IGF1R: variants seen among roughly 807,000 people sequenced by gnomAD.
IGF1R encodes insulin-like growth factor 1 receptor.
A neutral mutation model predicts 144.6 loss-of-function variants in IGF1R; 44 were observed. The ratio of observed to expected loss-of-function variants is 0.30; its 90% CI spans 0.24 to 0.39. The LOEUF is 0.39. IGF1R is among the 10% of genes least tolerant of loss of function. The probability of loss-of-function intolerance (pLI) is 1.00; values close to 1 mark genes in which losing one functional copy is unlikely to be tolerated. For synonymous variants in IGF1R, 795 were observed against 722.8 expected (o/e 1.10, Z -1.60); for missense variants, 1,355 against 1,833.7 (o/e 0.74, Z 4.77).
intron 1 of IGF1R, among the ~76,000 whole-genome samples, chr15:98,650,734 G>C (rs1437735104): frequency 6.6e-6 from 1 of 152,236 alleles, no homozygotes; most frequent in African/African-American, 2.4e-5. Flanking sequence ...TGCGAGCGCG[G>C]AGCCCTGGCC....
intron 2 of IGF1R, among the ~76,000 whole-genome samples, chr15:98,738,844 C>T (rs1468220772): frequency 6.6e-6 from 1 of 152,158 alleles, no homozygotes; most frequent in South Asian, 2.1e-4. Flanking sequence ...TAATTAACTC[C>T]AGTTTACATT....
intron 2 of IGF1R, among the ~76,000 whole-genome samples, chr15:98,751,755 C>G (rs541147003): frequency 5.5e-4 from 84 of 152,290 alleles, no homozygotes; most frequent in African/African-American, 1.9e-3. Flanking sequence ...TGTTGAGACT[C>G]GGACCTATGC....
rs541143115 is a variant in IGF1R at position 98,848,145 on chromosome 15, A to G, written c.641-43180A>G. The stretch of plus-strand genomic sequence containing the variant: ...TTCTGAAAGAGGATCTGAGCTGAGT[A>G]TCCCTGTGGTCCAGTATTTCAAGTT... On this transcript the variant is annotated intron_variant, in intron 2 of 20. Coordinates refer to ENST00000650285, the MANE Select transcript of IGF1R (RefSeq NM_000875.5). Among the ~76,000 whole-genome samples, 14 of 152,342 alleles carry G rather than the reference A, an allele frequency of 9.2e-5. No homozygotes were observed. In the South Asian group the frequency reaches 2.3e-3, roughly 25 times the overall value.
intron 19 of IGF1R, among the ~76,000 whole-genome samples, chr15:98,945,905 C>G (rs1438928839): frequency 6.6e-6 from 1 of 152,000 alleles, no homozygotes; most frequent in African/African-American, 2.4e-5. Flanking sequence ...CTTTGCAGTT[C>G]ACCTCGACAA....
intron 6 of IGF1R, among the ~76,000 whole-genome samples, chr15:98,909,210 A>C (rs2014874933): frequency 6.6e-6 from 1 of 151,474 alleles, no homozygotes; most frequent in Admixed American, 6.6e-5. Context: ...ACACAGGTGC[A>C]CAGTTAGATA....
Position 98,961,408 on chromosome 15 carries a change from A to G in IGF1R, c.*3966A>G. 8.6e-6 allele frequency: 2 copies of G among 233,488 alleles called. No homozygotes were observed. The highest frequency in any genetic ancestry group is 2.2e-5 in the African/African-American group (1 of 45,452). The allele number at this position is 233,488 out of a possible 1,614,324, so 14.5% of individuals were successfully genotyped here. On this transcript the variant is annotated 3_prime_UTR_variant, in exon 21 of 21. Transcript: ENST00000650285. The stretch of plus-strand genomic sequence containing the variant: ...AAATGCTTCAGAAACACCTCAATAA[A>G]AGAGAAAACTTGGCTTGTGTGATGG...
chr15:98,688,787 T>G (rs113895494), intron 1 of IGF1R, among the ~76,000 whole-genome samples: 2,174 of 152,274 alleles, frequency 0.014, 52 homozygotes, highest in African/African-American at 0.05. Flanking sequence ...GCAAGCTCTT[T>G]GTAAGTGTAT....
intron 2 of IGF1R, among the ~76,000 whole-genome samples, chr15:98,848,995 T>G (rs1238569199): frequency 1.3e-5 from 2 of 152,252 alleles, no homozygotes; most frequent in Non-Finnish European, 2.9e-5. Flanking sequence ...TGGCAAGATG[T>G]CAGTTCTCCG....
intron 2 of IGF1R, among the ~76,000 whole-genome samples, chr15:98,819,228 G>A (rs984900909): frequency 6.6e-6 from 1 of 152,044 alleles, no homozygotes; most frequent in South Asian, 2.1e-4. Flanking sequence ...CTTCCCTGTC[G>A]AGAAAAATGA....
chr15:98,947,626 T>G (rs2151725384), intron 19 of IGF1R, among the ~76,000 whole-genome samples: 1 of 152,380 alleles, frequency 6.6e-6, no homozygotes, highest in Non-Finnish European at 1.5e-5. Flanking sequence ...ATTGTCTTTT[T>G]TAACATTCTG....
At position 98,741,130 on chromosome 15, in the gene IGF1R, G is replaced by T. The variant is rs537140741; in HGVS notation, c.640+33023G>T. 2.6e-5 allele frequency among the ~76,000 whole-genome samples: 4 copies of T among 151,826 alleles called. No individual in the cohort carries two copies. The South Asian group carries it at 8.3e-4, about 32-fold the overall frequency. Reference sequence around the variant, plus strand: ...TTTGTCTTTTAGAATGACTCTCTTGGGTAAATTATTAGCAGACACTCTCGT... The same window carrying T: ...TTTGTCTTTTAGAATGACTCTCTTGTGTAAATTATTAGCAGACACTCTCGT... On this transcript the variant is annotated intron_variant, in intron 2 of 20. Coordinates refer to ENST00000650285, the MANE Select transcript of IGF1R (RefSeq NM_000875.5).
chr15:98,661,080 A>C (rs1188417508), intron 1 of IGF1R, among the ~76,000 whole-genome samples: 1 of 152,030 alleles, frequency 6.6e-6, no homozygotes, highest in Non-Finnish European at 1.5e-5. Context: ...TACTAGGCAG[A>C]GAGAGAGATG....
chr15:98,652,020 A>C (rs549043322), intron 1 of IGF1R, among the ~76,000 whole-genome samples: 1 of 150,118 alleles, frequency 6.7e-6, no homozygotes, highest in South Asian at 2.1e-4. Flanking sequence ...TGTCTGGTGG[A>C]GAAATAAAGA....
intron 1 of IGF1R, among the ~76,000 whole-genome samples, chr15:98,696,026 CTTTTTTTT>C (rs11306652): frequency 6.1e-5 from 7 of 115,656 alleles, no homozygotes; most frequent in Non-Finnish European, 1.1e-4. Flanking sequence ...ACTTTTTCTT[CTTTTTTTT>C]TTTTTTTTTT....
chr15:98,865,337 A>G (rs887864631), intron 2 of IGF1R, among the ~76,000 whole-genome samples: 1 of 152,258 alleles, frequency 6.6e-6, no homozygotes, highest in Non-Finnish European at 1.5e-5. Flanking sequence ...ATGTTGGACT[A>G]ATTCCTAAAA....
In IGF1R at chr15:98,815,058, G is replaced by A. The variant is rs140994994; in HGVS notation, c.641-76267G>A. On this transcript the variant is annotated intron_variant, in intron 2 of 20. Transcript: ENST00000650285. ...TAATTAGTAGTACAAAAATTTATGC[G>A]TTTGTTTTAGCTCTATTCTGATACT... is the stretch of plus-strand genomic sequence containing the variant. 2.6e-3 allele frequency among the ~76,000 whole-genome samples: 398 copies of A among 152,166 alleles called. 5 individuals are homozygous for A. Among genetic ancestry groups the A allele is most frequent in the African/African-American group, 9.1e-3 (378 of 41,490 alleles).
At chr15:98,681,688 A>G (rs1437222544) in intron 1 of IGF1R, among the ~76,000 whole-genome samples, 1 of 152,198 alleles carries the variant, frequency 6.6e-6, no homozygotes, top group African/African-American at 2.4e-5. Context: ...CATGGCTTTC[A>G]TAAAAACTCA....
chr15:98,888,914 GTTTC>G (rs2013774779), intron 2 of IGF1R, among the ~76,000 whole-genome samples: 1 of 152,180 alleles, frequency 6.6e-6, no homozygotes, highest in African/African-American at 2.4e-5. Flanking sequence ...CATTCTTGAT[GTTTC>G]GCCTTGTGGT....
At chr15:98,916,428 A>AT in intron 9 of IGF1R, 1 of 562,836 alleles carries the variant, frequency 1.8e-6, no homozygotes, top group Non-Finnish European at 3.2e-6. Flanking sequence ...TGCCCAGCTA[A>AT]TTTTTGTATT....
Sources: gnomAD v4.1 joint callset for allele counts (sites outside exome capture counted in the v4.1 genomes callset) on GRCh38, gnomAD v4.1.1 for gene constraint, MANE v1.5 for transcripts, NCBI Gene and HGNC (gene_info 2026-07-23, HGNC 2026-07-21) for gene names.